The following MYO1H variants were observed in gnomAD, a reference collection of about 807,000 sequenced individuals.
The protein encoded by MYO1H is myosin IH.
Under a neutral mutation model 149.3 loss-of-function variants are expected in MYO1H, and 118 were observed. The ratio of observed to expected loss-of-function variants is 0.79; its 90% CI spans 0.68 to 0.92. MYO1H has a LOEUF of 0.92. Ranked by LOEUF, MYO1H falls within the 40% of genes least tolerant of loss-of-function variation. The pLI, the probability that MYO1H is intolerant of heterozygous loss-of-function variation, is 0.00. For missense variants in MYO1H, 1,212 were observed against 1,280.7 expected (o/e 0.95, Z 0.82); for synonymous variants, 447 against 465.2 (o/e 0.96, Z 0.50).
At chr12:109,406,285 GATACTCT>G (rs1361452752) in intron 8 of MYO1H, among the ~76,000 whole-genome samples, 1 of 140,536 alleles carries the variant, frequency 7.1e-6, no homozygotes, top group Non-Finnish European at 1.6e-5. Flanking sequence ...CCTGGGCCTG[GATACTCT>G]ATGAACTCTT....
At chr12:109,363,210 T>C (rs1252382632) in intron 1 of MYO1H, among the ~76,000 whole-genome samples, 1 of 152,252 alleles carries the variant, frequency 6.6e-6, no homozygotes, top group Non-Finnish European at 1.5e-5. Context: ...TTTTTCTTCA[T>C]AATACATTTA....
At chr12:109,442,798 T>TGCC (rs1566044454) in intron 27 of MYO1H, among the ~76,000 whole-genome samples, 2,835 of 89,380 alleles carry the variant, frequency 0.032, 60 homozygotes, top group Admixed American at 0.036. Flanking sequence ...GTCTGCTCTT[T>TGCC]TTTTTTTTTT....
chr12:109,401,774 C>G (rs1298578189), intron 6 of MYO1H, among the ~76,000 whole-genome samples: 2 of 151,756 alleles, frequency 1.3e-5, no homozygotes, highest in Non-Finnish European at 2.9e-5. Context: ...GGTTCTCACT[C>G]TGTCCTCCAG....
intron 1 of MYO1H, among the ~76,000 whole-genome samples, chr12:109,381,825 T>TA (rs142820283): frequency 0.078 from 11,772 of 151,480 alleles, 530 homozygotes; most frequent in Middle Eastern, 0.12. Context: ...GACTCTGTCT[T>TA]AAAAAAAAAG....
At chr12:109,370,021 T>C (rs1192080605) in intron 1 of MYO1H, among the ~76,000 whole-genome samples, 1 of 152,112 alleles carries the variant, frequency 6.6e-6, no homozygotes, top group Non-Finnish European at 1.5e-5. Flanking sequence ...GTGAGACTTG[T>C]TCACTGTCAT....
intron 6 of MYO1H, among the ~76,000 whole-genome samples, chr12:109,403,284 A>T (rs1870241395): frequency 6.6e-6 from 1 of 152,242 alleles, no homozygotes; most frequent in Non-Finnish European, 1.5e-5. Context: ...TCACTAGGAA[A>T]TATTTTCATG....
Position 109,388,692 on chromosome 12 carries a change from G to A in MYO1H, c.22G>A (p.Val8Met), listed in dbSNP as rs532779519. 36 of 1,572,204 alleles carry A rather than the reference G, an allele frequency of 2.3e-5. No individual in the cohort carries two copies. In the Middle Eastern group the frequency reaches 5.1e-4, roughly 22 times the overall value. Residue 8 changes from valine to methionine, a missense_variant, in exon 2 of 32, where the codon GTG (valine) becomes ATG (methionine). Physicochemically the swap from Val to Met is conservative, Grantham distance 21. Coordinates refer to ENST00000310903, the Ensembl canonical transcript of MYO1H. Reference sequence around the variant, plus strand: ...GTTCTATTTCCCGTAGAAAGAAGACGTGAGGAGGAAACACATCCGTCTGCA... The same window carrying A: ...GTTCTATTTCCCGTAGAAAGAAGACATGAGGAGGAAACACATCCGTCTGCA...
At chr12:109,358,784 G>A (rs1460818817) in intron 1 of MYO1H, among the ~76,000 whole-genome samples, 2 of 105,102 alleles carry the variant, frequency 1.9e-5, no homozygotes, top group Non-Finnish European at 3.9e-5. Flanking sequence ...ATAATCTGGC[G>A]AGGCTTTAAG....
intron 8 of MYO1H, 37 bp from the exon 9 acceptor site, chr12:109,406,752 G>A (rs755922885): frequency 7.7e-5 from 123 of 1,590,908 alleles, no homozygotes; most frequent in South Asian, 2.0e-4. Context: ...GTAAAACTGC[G>A]TCACTGAATA....
intron 1 of MYO1H, among the ~76,000 whole-genome samples, chr12:109,358,901 C>T (rs1868674102): frequency 7.0e-6 from 1 of 142,418 alleles, no homozygotes; most frequent in East Asian, 2.0e-4. Context: ...CCAACCTTTC[C>T]AATAGGGTTT....
the MYO1H span, among the ~76,000 whole-genome samples, chr12:109,331,826 A>G: frequency 6.6e-6 from 1 of 152,128 alleles, no homozygotes; most frequent in African/African-American, 2.4e-5. Context: ...ATTTGTTCCT[A>G]ATGCTTTTGC....
At chr12:109,422,989 G>A (rs1453043382) in intron 16 of MYO1H, among the ~76,000 whole-genome samples, 1 of 152,052 alleles carries the variant, frequency 6.6e-6, no homozygotes, top group East Asian at 1.9e-4. Flanking sequence ...GGCTGAGGTA[G>A]GGGGATTGCT....
intron 5 of MYO1H, 77 bp downstream of exon 5, chr12:109,397,889 A>G: frequency 2.7e-6 from 3 of 1,125,316 alleles, no homozygotes; most frequent in Admixed American, 5.8e-5. Context: ...AAGGCCCCTT[A>G]AGGGGAGAAC....
chr12:109,351,029 C>G (rs546047119), intron 1 of MYO1H, among the ~76,000 whole-genome samples: 13 of 152,224 alleles, frequency 8.5e-5, no homozygotes, highest in African/African-American at 2.9e-4. Context: ...GTCATAAGTG[C>G]TAATTAATTA....
the MYO1H span, among the ~76,000 whole-genome samples, chr12:109,334,439 T>C: frequency 6.6e-6 from 1 of 152,200 alleles, no homozygotes; most frequent in South Asian, 2.1e-4. Flanking sequence ...GCCTCTCAAA[T>C]AGCTGGGATT....
chr12:109,320,816 G>A, the MYO1H span, among the ~76,000 whole-genome samples: 4 of 152,040 alleles, frequency 2.6e-5, no homozygotes, highest in Non-Finnish European at 4.4e-5. Flanking sequence ...TCGGCTGGGC[G>A]TGGTGGCTCA....
chr12:109,325,965 T>C, the MYO1H span, among the ~76,000 whole-genome samples: 1 of 152,290 alleles, frequency 6.6e-6, no homozygotes, highest in South Asian at 2.1e-4. Flanking sequence ...TTTTACACTG[T>C]TGGTGGGAGT....
exon 21 of MYO1H, chr12:109,435,105 A>G (rs1307088933): frequency 1.3e-5 from 21 of 1,594,962 alleles, no homozygotes; most frequent in Non-Finnish European, 1.8e-5. Context: ...TTTAGTAAAC[A>G]TCAACTAGGT....
chr12:109,313,647 C>G, the MYO1H span, among the ~76,000 whole-genome samples: 2 of 152,310 alleles, frequency 1.3e-5, no homozygotes, highest in Admixed American at 1.3e-4. Flanking sequence ...ATCCTACAAC[C>G]TCAGCCCAGA....
Sources: allele counts gnomAD v4.1 joint callset (sites outside exome capture counted in the v4.1 genomes callset), GRCh38; gene constraint gnomAD v4.1.1; transcripts MANE v1.5; gene names NCBI Gene and HGNC (gene_info 2026-07-23, HGNC 2026-07-21).